CAPN1: variants seen among roughly 807,000 people sequenced by gnomAD.
The protein encoded by CAPN1 is calpain-1 catalytic subunit.
A neutral mutation model predicts 105.2 loss-of-function variants in CAPN1; 77 were observed. The ratio of observed to expected loss-of-function variants is 0.73; its 90% CI spans 0.61 to 0.88. CAPN1 has a LOEUF of 0.88. Ranked by LOEUF, CAPN1 falls within the 40% of genes least tolerant of loss-of-function variation. The pLI is 0.00. For missense variants in CAPN1, 833 were observed against 976.6 expected, an observed-to-expected ratio of 0.85 and a Z score of 1.96; for synonymous variants, 355 against 388.8, an observed-to-expected ratio of 0.91 and a Z score of 1.02.
chr11:65,187,984 G>T lies in CAPN1; in HGVS notation c.873G>T (p.Leu291=), dbSNP rs751874932. 6 of 1,563,296 alleles carry T rather than the reference G, an allele frequency of 3.8e-6. No homozygotes were observed. The highest frequency in any genetic ancestry group is 1.4e-5 in the African/African-American group (1 of 73,412). ...QVNYRGQVVS[L]IRMRNPWGEV... is the part of the protein sequence containing the mutation. Reference sequence around the variant, plus strand: ...ACTACCGAGGCCAGGTGGTGAGCCTGATCCGGATGCGGAACCCCTGGGGCG... The same window carrying T: ...ACTACCGAGGCCAGGTGGTGAGCCTTATCCGGATGCGGAACCCCTGGGGCG... The change falls in exon 8 of 22, where the codon CTG becomes CTT. Residue 291 remains leucine (L), a synonymous_variant. Coordinates refer to ENST00000279247, the MANE Select transcript of CAPN1 (RefSeq NM_005186.4).
Position 65,211,466 on chromosome 11 carries a change from T to C in CAPN1, c.*180T>C, listed in dbSNP as rs1319258258. ...ATCGTTCATCTGCTCCGGGCAGAAC[T>C]GTGTGGCCCCTGCCTGTGCCAGCCA... On this transcript the variant is annotated 3_prime_UTR_variant, in exon 22 of 22. Transcript: ENST00000279247. The C allele has an allele frequency of 1.1e-5, 7 of 646,116 alleles. No homozygotes were observed. The highest frequency in any genetic ancestry group is 2.0e-5 in the Non-Finnish European group (7 of 358,656). 40.0% of individuals were successfully genotyped at this position (646,116 alleles called of 1,614,324 possible).
At chr11:65,200,552 C>A (rs1258397994) in intron 10 of CAPN1, among the ~76,000 whole-genome samples, 1 of 152,138 alleles carries the variant, frequency 6.6e-6, no homozygotes, top group Non-Finnish European at 1.5e-5. Flanking sequence ...ACCATCTTGG[C>A]CAGGCTGGTC....
At chr11:65,183,272 C>T (rs1948574366) in intron 3 of CAPN1, 75 bp downstream of exon 3, 3 of 1,382,280 alleles carry the variant, frequency 2.2e-6, no homozygotes, top group Admixed American at 1.7e-5. Flanking sequence ...CAGGCTCTGC[C>T]CCAACCCCTC....
At position 65,210,237 on chromosome 11, in the gene CAPN1, C is replaced by T; in HGVS notation, c.1943-99C>T. The T allele has an allele frequency of 8.9e-7, 1 of 1,125,564 alleles. No homozygotes were observed. 69.7% of individuals were successfully genotyped at this position (1,125,564 alleles called of 1,614,324 possible). A position where few individuals can be genotyped will look rare whatever the true frequency, so the allele number is the denominator to read the frequency against. ...TCCTTTTCCCCACGGTTACTAGCAC[C>T]CTGCCTAGCCCCAGCCCCCTCCTGG... On this transcript the variant is annotated intron_variant, in intron 19 of 21. Coordinates refer to ENST00000279247, the MANE Select transcript of CAPN1 (RefSeq NM_005186.4). The surrounding 1 kb of genome is among the most constrained non-coding windows in gnomAD (Gnocchi z 4.3).
chr11:65,187,798 A>T (rs2137323759), intron 7 of CAPN1, 157 bp from the exon 8 acceptor site: 1 of 577,742 alleles, frequency 1.7e-6, no homozygotes, highest in East Asian at 3.3e-5. Flanking sequence ...GAGGCAAGAG[A>T]ATTGAATTGC....
At chr11:65,185,433 T>C (rs1948617964) in intron 4 of CAPN1, among the ~76,000 whole-genome samples, 1 of 151,920 alleles carries the variant, frequency 6.6e-6, no homozygotes, top group Non-Finnish European at 1.5e-5. Context: ...CTTTAAAGGG[T>C]GTCAGGCTCT....
At chr11:65,183,689 CAGCCCTCCCT>C in intron 4 of CAPN1, 97 bp downstream of exon 4, 1 of 794,680 alleles carries the variant, frequency 1.3e-6, no homozygotes, top group Non-Finnish European at 2.1e-6. Flanking sequence ...CCTGTGGGGC[CAGCCCTCCCT>C]CTAGCAGGTA....
At chr11:65,202,952 C>T (rs552403) in intron 10 of CAPN1, among the ~76,000 whole-genome samples, 111,495 of 151,936 alleles carry the variant, frequency 0.73, 41,764 homozygotes, top group Middle Eastern at 0.86. Context: ...GATTTGCCTA[C>T]TGGGATATTT....
Position 65,188,721 on chromosome 11 carries a change from C to A in CAPN1, c.1140C>A (p.Thr380=), listed in dbSNP as rs372268910. The A allele has an allele frequency of 6.3e-7, 1 of 1,588,124 alleles. No individual in the cohort carries two copies. The highest frequency in any genetic ancestry group is 8.6e-7 in the Non-Finnish European group (1 of 1,167,688). ...LYEGTWRRGS[T]AGGCRNYPAT... is the part of the protein sequence containing the mutation. ...AAGGCACCTGGCGGCGGGGGAGCAC[C>A]GCGGGGGGCTGCCGAAACTACCCAG... is the stretch of plus-strand genomic sequence containing the variant. Residue 380 remains threonine, a synonymous_variant, in exon 10 of 22, where the codon ACC becomes ACA. Coordinates refer to ENST00000279247, the MANE Select transcript of CAPN1 (RefSeq NM_005186.4). This position sits in a 1 kb window ranked among gnomAD's most constrained non-coding sequence, Gnocchi z 5.5.
chr11:65,188,694 C>T lies in CAPN1; in HGVS notation c.1113C>T (p.Tyr371=), dbSNP rs375242029. Residue 371 remains tyrosine, a synonymous_variant, in exon 10 of 22, where the codon TAC becomes TAT. Transcript: ENST00000279247. The surrounding 1 kb of genome is among the most constrained non-coding windows in gnomAD (Gnocchi z 5.5). The part of the protein sequence containing the change: ...RTIRKWNTTL[Y]EGTWRRGSTA... ...TCCGCAAATGGAACACCACACTCTA[C>T]GAAGGCACCTGGCGGCGGGGGAGCA... The T allele has an allele frequency of 4.3e-6, 7 of 1,611,666 alleles. No individual in the cohort carries two copies. The highest frequency in any genetic ancestry group is 1.3e-5 in the African/African-American group (1 of 74,838).
At chr11:65,193,542 G>A (rs982932187) in intron 10 of CAPN1, among the ~76,000 whole-genome samples, 47 of 150,470 alleles carry the variant, frequency 3.1e-4, no homozygotes, top group Non-Finnish European at 6.2e-4. Flanking sequence ...CTGCTTGGGA[G>A]GCTGAGGCAG....
At chr11:65,191,819 T>C (rs542597892) in intron 10 of CAPN1, among the ~76,000 whole-genome samples, 2 of 152,254 alleles carry the variant, frequency 1.3e-5, no homozygotes, top group South Asian at 4.1e-4. Context: ...GTTCCTCCCT[T>C]TTTTTTATTC....
At chr11:65,183,450 T>C (rs370866733) in intron 3 of CAPN1, 24 bp from the exon 4 acceptor site, 53 of 1,550,520 alleles carry the variant, frequency 3.4e-5, no homozygotes, top group Non-Finnish European at 4.2e-5. Context: ...TAGAGCAGGC[T>C]AATGTGCATC....
chr11:65,188,759 G>A lies in CAPN1; in HGVS notation c.1165+13G>A, dbSNP rs373303504. ...CGAAACTACCCAGGTGCACAGGGGCGGGCTCTGGGTCTTGCTGCTTCCTGG... is the reference window on the plus strand; with the variant it reads ...CGAAACTACCCAGGTGCACAGGGGCAGGCTCTGGGTCTTGCTGCTTCCTGG... On this transcript the variant is annotated intron_variant, in intron 10 of 21. Transcript: ENST00000279247. This position sits in a 1 kb window ranked among gnomAD's most constrained non-coding sequence, Gnocchi z 5.5. 105 of 1,551,024 alleles carry A rather than the reference G, an allele frequency of 6.8e-5. No individual in the cohort carries two copies. The highest frequency in any genetic ancestry group is 1.4e-4 in the African/African-American group (10 of 73,202).
chr11:65,181,526 C>T (rs762468393), upstream of CAPN1: 19 of 366,958 alleles, frequency 5.2e-5, no homozygotes, highest in Non-Finnish European at 1.1e-5. The surrounding 1 kb of genome is among the most constrained non-coding windows in gnomAD (Gnocchi z 4.6). Context: ...GGCGCCGCCG[C>T]ACAATCGCCC....
In CAPN1 at chr11:65,188,785, C is replaced by A. The variant is rs1459439897; in HGVS notation, c.1165+39C>A. On this transcript the variant is annotated intron_variant, in intron 10 of 21. Transcript: ENST00000279247. The surrounding 1 kb of genome is among the most constrained non-coding windows in gnomAD (Gnocchi z 5.5). ...GGCTCTGGGTCTTGCTGCTTCCTGG[C>A]TTAGGGGCTCCAGAAGGCACGTCAT... 3.3e-6 allele frequency: 5 copies of A among 1,523,172 alleles called. No homozygotes were observed. In the East Asian group the frequency reaches 1.2e-4, roughly 37 times the overall value. The allele number at this position is 1,523,172 out of a possible 1,614,324, so 94.4% of individuals were successfully genotyped here. A position where few individuals can be genotyped will look rare whatever the true frequency, so the allele number is the denominator to read the frequency against.
At chr11:65,205,453 G>A (rs568581432) in intron 11 of CAPN1, among the ~76,000 whole-genome samples, 19 of 152,206 alleles carry the variant, frequency 1.2e-4, no homozygotes, top group African/African-American at 4.1e-4. Context: ...TGGCCACCCC[G>A]GGGGCTGGCC....
chr11:65,205,907 G>T, intron 12 of CAPN1, 186 bp downstream of exon 12: 1 of 615,450 alleles, frequency 1.6e-6, no homozygotes, highest in Admixed American at 2.7e-5. Flanking sequence ...GGTCAGCACA[G>T]GTAGTCAGTG....
At chr11:65,198,399 G>A (rs1358741826) in intron 10 of CAPN1, among the ~76,000 whole-genome samples, 1 of 152,058 alleles carries the variant, frequency 6.6e-6, no homozygotes, top group African/African-American at 2.4e-5. Context: ...ACCTGCCTCG[G>A]CCTCCCAAAG....
Sources: gnomAD v4.1 joint callset for allele counts (sites outside exome capture counted in the v4.1 genomes callset) on GRCh38, gnomAD v4.1.1 for gene constraint, Gnocchi (gnomAD v3.1) non-coding constraint, MANE v1.5 for transcripts, NCBI Gene and HGNC (gene_info 2026-07-23, HGNC 2026-07-21) for gene names.